Variants in CSNK2A2IP observed in about 807,000 individuals in gnomAD.
CSNK2A2IP encodes casein kinase II subunit alpha'-interacting protein.
At chr3:88,392,443 A>C in the CSNK2A2IP span, among the ~76,000 whole-genome samples, 2 of 152,194 alleles carry the variant, frequency 1.3e-5, no homozygotes, top group African/African-American at 2.4e-5. Context: ...AAAGTTGAGA[A>C]ATTCATTGAT....
the CSNK2A2IP span, among the ~76,000 whole-genome samples, chr3:88,402,158 G>T: frequency 6.6e-6 from 1 of 151,882 alleles, no homozygotes; most frequent in Admixed American, 6.6e-5. Context: ...TGACTGCTTG[G>T]AAGACATTTA....
the CSNK2A2IP span, among the ~76,000 whole-genome samples, chr3:88,398,772 A>G: frequency 6.6e-6 from 1 of 152,176 alleles, no homozygotes; most frequent in Non-Finnish European, 1.5e-5. Flanking sequence ...GGAGCCTTAT[A>G]TAGGGAGACA....
chr3:88,426,900 G>GGGGGGGGGGGT, the CSNK2A2IP span, among the ~76,000 whole-genome samples: 1 of 148,952 alleles, frequency 6.7e-6, no homozygotes. Context: ...GGGGGGGGGC[G>GGGGGGGGGGGT]GTGGGGTGTG....
chr3:88,446,208 C>T, the CSNK2A2IP span, among the ~76,000 whole-genome samples: 7 of 151,712 alleles, frequency 4.6e-5, no homozygotes, highest in African/African-American at 1.7e-4. Context: ...CATGCCTCAG[C>T]CTCCCGAGTA....
chr3:88,413,160 A>G, the CSNK2A2IP span, among the ~76,000 whole-genome samples: 2 of 152,032 alleles, frequency 1.3e-5, no homozygotes, highest in Non-Finnish European at 2.9e-5. Flanking sequence ...CTCATGATAT[A>G]ATGCATTGGG....
At chr3:88,383,385 A>G in the CSNK2A2IP span, among the ~76,000 whole-genome samples, 2 of 152,234 alleles carry the variant, frequency 1.3e-5, no homozygotes, top group African/African-American at 4.8e-5. Context: ...TTTAATCTAT[A>G]AAATGATGAT....
the CSNK2A2IP span, among the ~76,000 whole-genome samples, chr3:88,435,423 A>C: frequency 2.0e-5 from 3 of 152,150 alleles, no homozygotes; most frequent in Non-Finnish European, 2.9e-5. Context: ...ACAAGAAGAA[A>C]ATGGTCTCTT....
At chr3:88,451,310 A>G in the CSNK2A2IP span, among the ~76,000 whole-genome samples, 1 of 151,930 alleles carries the variant, frequency 6.6e-6, no homozygotes, top group East Asian at 1.9e-4. Flanking sequence ...AGTGGTTTTA[A>G]TTTGCATTTT....
the CSNK2A2IP span, among the ~76,000 whole-genome samples, chr3:88,381,882 G>A: frequency 6.6e-6 from 1 of 152,160 alleles, no homozygotes; most frequent in African/African-American, 2.4e-5. Flanking sequence ...AATGTATCAA[G>A]TTATAGACAT....
At chr3:88,341,044 G>GT in the CSNK2A2IP span, among the ~76,000 whole-genome samples, 1 of 151,588 alleles carries the variant, frequency 6.6e-6, no homozygotes, top group Non-Finnish European at 1.5e-5. Flanking sequence ...TTTTTTCCAC[G>GT]TTTCAAATTT....
the CSNK2A2IP span, chr3:88,465,864 A>G: frequency 2.4e-6 from 3 of 1,231,686 alleles, no homozygotes; most frequent in Non-Finnish European, 3.0e-6. Flanking sequence ...TTTGCTGGAG[A>G]TCACTTTCAT....
At chr3:88,390,109 G>A in the CSNK2A2IP span, among the ~76,000 whole-genome samples, 1 of 152,078 alleles carries the variant, frequency 6.6e-6, no homozygotes. Context: ...CTAGAAGCTT[G>A]AAAAGCTTCT....
the CSNK2A2IP span, among the ~76,000 whole-genome samples, chr3:88,378,472 T>C: frequency 6.6e-6 from 1 of 152,074 alleles, no homozygotes; most frequent in African/African-American, 2.4e-5. Context: ...AAATGAACTG[T>C]TCAATACTGT....
the CSNK2A2IP span, among the ~76,000 whole-genome samples, chr3:88,375,208 A>T: frequency 6.6e-6 from 1 of 151,684 alleles, no homozygotes. Flanking sequence ...GTTCTCTTTC[A>T]AACTGAGAAA....
chr3:88,419,173 A>G, the CSNK2A2IP span, among the ~76,000 whole-genome samples: 3 of 152,226 alleles, frequency 2.0e-5, no homozygotes, highest in Non-Finnish European at 4.4e-5. Flanking sequence ...TAATAATAAT[A>G]GACATAAAGT....
At chr3:88,461,292 G>A in the CSNK2A2IP span, among the ~76,000 whole-genome samples, 2 of 151,858 alleles carry the variant, frequency 1.3e-5, no homozygotes, top group Non-Finnish European at 2.9e-5. Context: ...AGTGGCTCAC[G>A]CCTGTAATCC....
At chr3:88,395,374 A>G in the CSNK2A2IP span, among the ~76,000 whole-genome samples, 1 of 152,172 alleles carries the variant, frequency 6.6e-6, no homozygotes, top group Non-Finnish European at 1.5e-5. Flanking sequence ...GGTCAAATTT[A>G]GTGTTTTCTG....
At chr3:88,388,379 A>G in the CSNK2A2IP span, among the ~76,000 whole-genome samples, 1 of 152,168 alleles carries the variant, frequency 6.6e-6, no homozygotes, top group African/African-American at 2.4e-5. Context: ...TTCTGCACAT[A>G]TATTATTCAA....
the CSNK2A2IP span, chr3:88,466,908 G>T: frequency 3.8e-5 from 47 of 1,230,390 alleles, no homozygotes; most frequent in Admixed American, 1.3e-4. Flanking sequence ...AAATAGAAGT[G>T]AAATTAGTTC....
Sources: allele counts gnomAD v4.1 joint callset (sites outside exome capture counted in the v4.1 genomes callset), GRCh38; gene constraint gnomAD v4.1.1; transcripts MANE v1.5; gene names NCBI Gene and HGNC (gene_info 2026-07-23, HGNC 2026-07-21).